The following LAG3 variants were observed in gnomAD, a reference collection of about 807,000 sequenced individuals.
LAG3 encodes lymphocyte activation gene 3 protein.
Under a neutral mutation model 49.0 loss-of-function variants are expected in LAG3, and 29 were observed. That is an observed-to-expected ratio of 0.59 (90% CI 0.44 to 0.81). The LOEUF (loss-of-function observed/expected upper bound fraction) is 0.81. Among genes scored for constraint, LAG3 ranks in the 30% least tolerant of loss-of-function variants. The probability of loss-of-function intolerance (pLI) is 0.00; values close to 1 mark genes in which losing one functional copy is unlikely to be tolerated. For missense variants in LAG3, 693 were observed against 695.2 expected, an observed-to-expected ratio of 1.00 and a Z score of 0.04; for synonymous variants, 320 against 297.3, an observed-to-expected ratio of 1.08 and a Z score of -0.79.
chr12:6,772,963 G>A, intron 1 of LAG3, 53 bp downstream of exon 1: 1 of 1,576,626 alleles, frequency 6.3e-7, no homozygotes, highest in Non-Finnish European at 8.7e-7. Context: ...GAGGGGACCA[G>A]CAGGGATCTC....
chr12:6,778,241 C>T lies in LAG3; in HGVS notation c.1432-3C>T, dbSNP rs368946788. 29 of 1,578,192 alleles carry T rather than the reference C, an allele frequency of 1.8e-5. No homozygotes were observed. The African/African-American group carries it at 3.8e-4, about 21-fold the overall frequency. On this transcript the variant is annotated splice_polypyrimidine_tract_variant and splice_region_variant and intron_variant, in intron 7 of 7. Transcript: ENST00000203629. ...CCGTCTCTCTCTCCATCTCTTCTCA[C>T]AGTGGCGACCAAGACGATTTTCTGC... is the stretch of plus-strand genomic sequence containing the variant.
intron 3 of LAG3, among the ~76,000 whole-genome samples, chr12:6,774,341 A>G (rs545064451): frequency 6.6e-6 from 1 of 152,324 alleles, no homozygotes; most frequent in African/African-American, 2.4e-5. Flanking sequence ...GTTCCAGGCC[A>G]GGAAAACGGC....
intron 3 of LAG3, among the ~76,000 whole-genome samples, 171 bp from the exon 4 acceptor site, chr12:6,774,424 C>G (rs542909224): frequency 1.3e-5 from 2 of 152,272 alleles, no homozygotes; most frequent in Admixed American, 6.5e-5. Context: ...TGGGGATCCA[C>G]TTTATGCACC....
intron 3 of LAG3, 91 bp downstream of exon 3, chr12:6,774,092 C>G (rs1051617235): frequency 5.2e-6 from 7 of 1,337,316 alleles, no homozygotes; most frequent in Middle Eastern, 2.8e-4. Context: ...GCAGAGGCTG[C>G]GCCCTAGGCC....
intron 3 of LAG3, 25 bp from the exon 4 acceptor site, chr12:6,774,570 T>G: frequency 2.5e-6 from 4 of 1,599,300 alleles, no homozygotes; most frequent in Non-Finnish European, 3.4e-6. Flanking sequence ...AGTGGGCTGA[T>G]GAAGTCTTCT....
At position 6,775,375 on chromosome 12, in the gene LAG3, C is replaced by T. The variant is rs755876238; in HGVS notation, c.884C>T (p.Thr295Ile). The change falls in exon 5 of 8, where the codon ACT becomes ATT. Residue 295 changes from threonine to isoleucine, a missense_variant. Thr to Ile is a moderately conservative substitution (Grantham distance 89, BLOSUM62 -1). Transcript: ENST00000203629. ...GGTGTGGGGACCCGGTCTTTCCTCACTGCCAAGTGGACTCCTCCTGGGGGA... is the reference window on the plus strand; with the variant it reads ...GGTGTGGGGACCCGGTCTTTCCTCATTGCCAAGTGGACTCCTCCTGGGGGA... ...PAGVGTRSFLTAKWTPPGGGP... is the reference protein window; with the variant it reads ...PAGVGTRSFLIAKWTPPGGGP... 2.4e-5 allele frequency: 38 copies of T among 1,614,120 alleles called. No homozygotes were observed. The highest frequency in any genetic ancestry group is 3.0e-5 in the Non-Finnish European group (35 of 1,180,056).
At chr12:6,775,600 G>C in intron 5 of LAG3, 52 bp downstream of exon 5, 1 of 1,583,462 alleles carries the variant, frequency 6.3e-7, no homozygotes, top group Non-Finnish European at 8.6e-7. Context: ...AGAAAGGACA[G>C]GGAGGAAGGG....
At chr12:6,777,609 G>T in intron 6 of LAG3, 103 bp downstream of exon 6, 1 of 1,497,978 alleles carries the variant, frequency 6.7e-7, no homozygotes, top group African/African-American at 1.4e-5. Flanking sequence ...TTTCTTTCCA[G>T]TCAGGGACCT....
rs1941854446 is a variant in LAG3, at chr12:6,772,553, G to GCCACTTTGCTCTGTCTGCTCTCC, written c.-299_-277dup. The GCCACTTTGCTCTGTCTGCTCTCC allele has an allele frequency of 2.9e-6, 1 of 341,472 alleles. No homozygotes were observed. Among genetic ancestry groups the GCCACTTTGCTCTGTCTGCTCTCC allele is most frequent in the South Asian group, 6.8e-5 (1 of 14,646 alleles). 21.2% of individuals were successfully genotyped at this position (341,472 alleles called of 1,614,324 possible). A position where few individuals can be genotyped will look rare whatever the true frequency, so the allele number is the denominator to read the frequency against. ...GCAGAACGGCATCCCAGCCACGACG[G>GCCACTTTGCTCTGTCTGCTCTCC]CCACTTTGCTCTGTCTGCTCTCCGC... On this transcript the variant is annotated 5_prime_UTR_variant, in exon 1 of 8. Coordinates refer to ENST00000203629, the MANE Select transcript of LAG3 (RefSeq NM_002286.6).
Position 6,773,245 on chromosome 12 carries a change from G to C in LAG3, c.112G>C (p.Ala38Pro). Residue 38 changes from alanine (A) to proline (P), a missense_variant, in exon 2 of 8, where the codon GCT (alanine) becomes CCT (proline). Ala to Pro is a conservative substitution (Grantham distance 27). Coordinates refer to ENST00000203629, the MANE Select transcript of LAG3 (RefSeq NM_002286.6). This position sits in a 1 kb window ranked among gnomAD's most constrained non-coding sequence, Gnocchi z 5.5. ...CCCGGTGGTGTGGGCCCAGGAGGGG[G>C]CTCCTGCCCAGCTCCCCTGCAGCCC... ...EVPVVWAQEG[A>P]PAQLPCSPTI... 1 of 1,612,584 alleles carries C rather than the reference G, an allele frequency of 6.2e-7. No individual in the cohort carries two copies. The highest frequency in any genetic ancestry group is 1.1e-5 in the South Asian group (1 of 91,044).
At chr12:6,775,994 A>C (rs1941904556) in intron 5 of LAG3, among the ~76,000 whole-genome samples, 1 of 152,198 alleles carries the variant, frequency 6.6e-6, no homozygotes, top group African/African-American at 2.4e-5. Flanking sequence ...AGGGTTTTCC[A>C]AGACAGTATA....
rs1043191649 is a variant in LAG3, at chr12:6,774,133, A to G, written c.511+132A>G. 34 of 1,304,706 alleles carry G rather than the reference A, an allele frequency of 2.6e-5. No individual in the cohort carries two copies. The African/African-American group carries it at 4.4e-4, about 17-fold the overall frequency. 80.8% of individuals were successfully genotyped at this position (1,304,706 alleles called of 1,614,324 possible). ...GGAGAGCTCCCAGAAGAGTAGAGGA[A>G]GGGGGTGGGCGGCCTGCTGGAGTGG... On this transcript the variant is annotated intron_variant, in intron 3 of 7. Coordinates refer to ENST00000203629, the MANE Select transcript of LAG3 (RefSeq NM_002286.6).
rs941931236 is a variant in LAG3, at chr12:6,773,679, A to G, written c.207-18A>G. On this transcript the variant is annotated intron_variant, in intron 2 of 7. Transcript: ENST00000203629. This position sits in a 1 kb window ranked among gnomAD's most constrained non-coding sequence, Gnocchi z 5.5. ...CCTACCCCTGGAGCTTCTCAACTCCATTCTCTTTCCCGCCCAGTGGCCCGC... is the reference window on the plus strand; with the variant it reads ...CCTACCCCTGGAGCTTCTCAACTCCGTTCTCTTTCCCGCCCAGTGGCCCGC... 3.7e-6 allele frequency: 5 copies of G among 1,362,570 alleles called. No individual in the cohort carries two copies. In the African/African-American group the frequency reaches 4.5e-5, roughly 12 times the overall value. 84.4% of individuals were successfully genotyped at this position (1,362,570 alleles called of 1,614,324 possible).
In LAG3 at chr12:6,773,231, G is replaced by A; in HGVS notation, c.98G>A (p.Trp33Ter). The change falls in exon 2 of 8, where the codon TGG becomes TAG. Residue 33 changes from tryptophan (W) to a stop codon, truncating the protein, a stop_gained. Transcript: ENST00000203629. LOFTEE classifies it high-confidence loss of function. This position sits in a 1 kb window ranked among gnomAD's most constrained non-coding sequence, Gnocchi z 5.5. ...LQPGAEVPVVWAQEGAPAQLP... is the reference protein window; with the variant it reads ...LQPGAEVPVV Reference sequence around the variant, plus strand: ...CCAGGGGCTGAGGTCCCGGTGGTGTGGGCCCAGGAGGGGGCTCCTGCCCAG... The same window carrying A: ...CCAGGGGCTGAGGTCCCGGTGGTGTAGGCCCAGGAGGGGGCTCCTGCCCAG... 6.2e-7 allele frequency: 1 copy of A among 1,612,118 alleles called. No individual in the cohort carries two copies.
intron 3 of LAG3, among the ~76,000 whole-genome samples, chr12:6,774,220 C>G (rs1941877769): frequency 6.6e-6 from 1 of 152,194 alleles, no homozygotes; most frequent in African/African-American, 2.4e-5. Flanking sequence ...CCCCCGAGCT[C>G]CCCTTCTCCC....
Position 6,773,911 on chromosome 12 carries a change from C to G in LAG3, c.421C>G (p.Arg141Gly). 2 of 1,381,300 alleles carry G rather than the reference C, an allele frequency of 1.4e-6. No individual in the cohort carries two copies. Among genetic ancestry groups the G allele is most frequent in the Non-Finnish European group, 1.9e-6 (2 of 1,075,920 alleles). 85.6% of individuals were successfully genotyped at this position (1,381,300 alleles called of 1,614,324 possible). A position where few individuals can be genotyped will look rare whatever the true frequency, so the allele number is the denominator to read the frequency against. ...CTCGCTATGGCTGCGCCCAGCCCGG[C>G]GCGCGGACGCCGGCGAGTACCGCGC... is the stretch of plus-strand genomic sequence containing the variant. ...DFSLWLRPAR[R>G]ADAGEYRAAV... Residue 141 changes from arginine (R) to glycine (G), a missense_variant, in exon 3 of 8, where the codon CGC becomes GGC. Arg to Gly is a moderately radical substitution (Grantham distance 125, BLOSUM62 -2). Coordinates refer to ENST00000203629, the MANE Select transcript of LAG3 (RefSeq NM_002286.6). The surrounding 1 kb of genome is among the most constrained non-coding windows in gnomAD (Gnocchi z 5.5).
rs1417741921 is a variant in LAG3 at position 6,774,707 on chromosome 12, G to C, written c.624G>C (p.Gln208His). The C allele has an allele frequency of 6.2e-7, 1 of 1,614,038 alleles. No individual in the cohort carries two copies. The highest frequency in any genetic ancestry group is 1.3e-5 in the African/African-American group (1 of 74,928). The change falls in exon 4 of 8, where the codon CAG (glutamine) becomes CAC (histidine). Residue 208 changes from glutamine to histidine, a missense_variant. Transcript: ENST00000203629. ...ASVHWFRNRGQGRVPVRESPH... is the reference protein window; with the variant it reads ...ASVHWFRNRGHGRVPVRESPH... The stretch of plus-strand genomic sequence containing the variant: ...TGCATTGGTTCCGGAACCGGGGCCA[G>C]GGCCGAGTCCCTGTCCGGGAGTCCC...
rs1173690141 is a variant in LAG3 at position 6,775,525 on chromosome 12, C to T, written c.1034C>T (p.Thr345Ile). The T allele has an allele frequency of 5.6e-6, 9 of 1,614,172 alleles. No homozygotes were observed. The South Asian group carries it at 9.9e-5, about 18-fold the overall frequency. Residue 345 changes from threonine (T) to isoleucine (I), a missense_variant, in exon 5 of 8, where the codon ACT becomes ATT. Thr to Ile is a moderately conservative substitution (Grantham distance 89). Coordinates refer to ENST00000203629, the MANE Select transcript of LAG3 (RefSeq NM_002286.6). The part of the protein sequence containing the change: ...IHLQEQQLNA[T>I]VTLAIITVTP... ...CTGCAGGAACAGCAGCTCAATGCCA[C>T]TGTCACATTGGCAATCATCACAGGT...
At position 6,774,592 on chromosome 12, in the gene LAG3, C is replaced by T. The variant is rs1209682708; in HGVS notation, c.512-3C>T. On this transcript the variant is annotated splice_polypyrimidine_tract_variant and splice_region_variant and intron_variant, in intron 3 of 7. Coordinates refer to ENST00000203629, the MANE Select transcript of LAG3 (RefSeq NM_002286.6). ...TGATGAAGTCTTCTTTATCCTTGCA[C>T]AGTGACTGCCAGCCCCCCAGGATCT... 6.2e-7 allele frequency: 1 copy of T among 1,612,534 alleles called. No homozygotes were observed. The highest frequency in any genetic ancestry group is 1.7e-5 in the Admixed American group (1 of 59,860).
Sources: allele counts gnomAD v4.1 joint callset (sites outside exome capture counted in the v4.1 genomes callset), GRCh38; gene constraint gnomAD v4.1.1; non-coding constraint Gnocchi (gnomAD v3.1); transcripts MANE v1.5; gene names NCBI Gene and HGNC (gene_info 2026-07-23, HGNC 2026-07-21).